CAMK2B: variants seen among roughly 807,000 people sequenced by gnomAD.
The protein encoded by CAMK2B is calcium/calmodulin-dependent protein kinase type II subunit beta.
Under a neutral mutation model 93.7 loss-of-function variants are expected in CAMK2B, and 27 were observed. The observed-to-expected ratio is 0.29, with a 90% confidence interval of 0.21 to 0.40. CAMK2B has a LOEUF of 0.40. CAMK2B is among the 10% of genes least tolerant of loss of function. The pLI is 1.00. For synonymous variants in CAMK2B, 374 were observed against 358.8 expected, an observed-to-expected ratio of 1.04 and a Z score of -0.48; for missense variants, 568 against 895.8, an observed-to-expected ratio of 0.63 and a Z score of 4.67.
At chr7:44,304,494 G>T (rs1405909780) in intron 1 of CAMK2B, among the ~76,000 whole-genome samples, 4 of 152,162 alleles carry the variant, frequency 2.6e-5, no homozygotes, top group African/African-American at 9.7e-5. Flanking sequence ...CTGAATAAAA[G>T]AAGCCAGTCT....
At chr7:44,234,581 G>C (rs1284440164) in intron 14 of CAMK2B, 58 bp downstream of exon 14, 1 of 1,604,700 alleles carries the variant, frequency 6.2e-7, no homozygotes, top group African/African-American at 1.3e-5. Context: ...CCAGGGCGTG[G>C]GGGTGAAGCT....
chr7:44,221,048 GC>G (rs546844805), intron 20 of CAMK2B, 147 bp from the exon 21 acceptor site: 101 of 622,510 alleles, frequency 1.6e-4, no homozygotes, highest in South Asian at 1.0e-3. Flanking sequence ...CCTCTCCGCC[GC>G]CCCCCCTGCA....
intron 2 of CAMK2B, among the ~76,000 whole-genome samples, chr7:44,280,722 A>G (rs1375607070): frequency 6.6e-6 from 1 of 152,208 alleles, no homozygotes; most frequent in East Asian, 1.9e-4. Context: ...CCAGAAAAGT[A>G]GCAGCCTTCG....
chr7:44,320,630 A>T (rs2116562518), intron 1 of CAMK2B, among the ~76,000 whole-genome samples: 1 of 152,382 alleles, frequency 6.6e-6, no homozygotes, highest in Non-Finnish European at 1.5e-5. Context: ...AGCTCTCAGC[A>T]AAGTAGGTTA....
Position 44,226,528 on chromosome 7 carries a change from G to T in CAMK2B, c.1585C>A (p.Leu529Met). Residue 529 changes from leucine (L) to methionine (M), a missense_variant, in exon 20 of 24, where the codon CTG becomes ATG. Physicochemically the swap from Leu to Met is conservative, Grantham distance 15 (BLOSUM62 2). Around this residue, in one of 4 missense-constraint regions of CAMK2B, gnomAD observed 308 missense variants for 292.1 expected, o/e 1.05. Transcript: ENST00000395749. ...AGGTGCTACTTACATGGGGTGGGCA[G>T]GGGGCCAGGGATAGTCGGAGATGGG... Reference protein sequence around the residue: ...PCPSPTIPGPLPTPSRKQEII... With the variant: ...PCPSPTIPGPMPTPSRKQEII... 1 of 1,450,942 alleles carries T rather than the reference G, an allele frequency of 6.9e-7. No homozygotes were observed. The highest frequency in any genetic ancestry group is 9.1e-7 in the Non-Finnish European group (1 of 1,103,006). 89.9% of individuals were successfully genotyped at this position (1,450,942 alleles called of 1,614,324 possible). A position where few individuals can be genotyped will look rare whatever the true frequency, so the allele number is the denominator to read the frequency against.
At chr7:44,230,922 G>T in intron 17 of CAMK2B, 84 bp downstream of exon 17, 1 of 1,202,504 alleles carries the variant, frequency 8.3e-7, no homozygotes, top group Non-Finnish European at 1.2e-6. Flanking sequence ...CAGGAGAGTT[G>T]ACCCTGCCCA....
At chr7:44,240,578 T>C in intron 12 of CAMK2B, 129 bp downstream of exon 12, 3 of 1,050,136 alleles carry the variant, frequency 2.9e-6, no homozygotes, top group Non-Finnish European at 4.3e-6. Flanking sequence ...GTCTCAGAGC[T>C]GAGGGCAGAC....
rs1183581092 is a variant in CAMK2B, at chr7:44,311,938, G to A, written c.65+13419C>T. ...CTCCTGCCCAGGGTCATACAACGGG[G>A]CCCAAATGAGGCACAGGCCCATCCT... On this transcript the variant is annotated intron_variant, in intron 1 of 23. Transcript: ENST00000395749. The surrounding 1 kb of genome is among the most constrained non-coding windows in gnomAD (Gnocchi z 4.2). Among the ~76,000 whole-genome samples, 5 of 152,220 alleles carry A rather than the reference G, an allele frequency of 3.3e-5. No homozygotes were observed. The highest frequency in any genetic ancestry group is 9.7e-5 in the African/African-American group (4 of 41,450).
At chr7:44,258,992 T>A in intron 3 of CAMK2B, 66 bp from the exon 4 acceptor site, 5 of 1,400,866 alleles carry the variant, frequency 3.6e-6, no homozygotes, top group Non-Finnish European at 5.0e-6. Flanking sequence ...CCTGCCTCCG[T>A]ACCTGTCCAG....
chr7:44,221,938 A>T (rs1410108523), intron 20 of CAMK2B, among the ~76,000 whole-genome samples: 1 of 152,240 alleles, frequency 6.6e-6, no homozygotes, highest in East Asian at 1.9e-4. Context: ...TAAAGAAATA[A>T]AGCACCGCAC....
intron 6 of CAMK2B, among the ~76,000 whole-genome samples, chr7:44,245,244 C>T (rs574038769): frequency 1.3e-5 from 2 of 152,234 alleles, no homozygotes; most frequent in East Asian, 3.9e-4. Context: ...CCCAGTGATG[C>T]CCCCACCCTG....
chr7:44,265,873 C>T (rs1318799905), intron 2 of CAMK2B, among the ~76,000 whole-genome samples: 4 of 151,952 alleles, frequency 2.6e-5, no homozygotes, highest in Admixed American at 6.6e-5. Context: ...CTCAGAGAGC[C>T]GCTTGGAAAC....
chr7:44,241,319 T>C (rs2096676115), intron 11 of CAMK2B, among the ~76,000 whole-genome samples: 1 of 152,168 alleles, frequency 6.6e-6, no homozygotes, highest in South Asian at 2.1e-4. Context: ...TGTGTGTGGC[T>C]CTGCTCTCCT....
chr7:44,269,446 T>A (rs1005762574), intron 2 of CAMK2B, among the ~76,000 whole-genome samples: 1 of 151,980 alleles, frequency 6.6e-6, no homozygotes, highest in Non-Finnish European at 1.5e-5. Flanking sequence ...CAAGAAGGGG[T>A]CCGGGATGGA....
At chr7:44,307,304 G>T (rs1792131927) in intron 1 of CAMK2B, among the ~76,000 whole-genome samples, 1 of 137,164 alleles carries the variant, frequency 7.3e-6, no homozygotes, top group Non-Finnish European at 1.6e-5. Flanking sequence ...GAGGGTGTGA[G>T]CAGGCGGAGG....
rs1017483376 is a variant in CAMK2B at position 44,248,202 on chromosome 7, A to T, written c.342-1010T>A. Among the ~76,000 whole-genome samples the T allele has an allele frequency of 1.4e-4, 22 of 151,956 alleles. No individual in the cohort carries two copies. The highest frequency in any genetic ancestry group is 5.3e-4 in the African/African-American group (22 of 41,360). On this transcript the variant is annotated intron_variant, in intron 5 of 23. Transcript: ENST00000395749. The surrounding 1 kb of genome is among the most constrained non-coding windows in gnomAD (Gnocchi z 4.1). Reference sequence around the variant, plus strand: ...CTGAGCACACGGAGCTTCCCCTTCAACCCTTCCTCTCATAGTCAGGGAGGG... The same window carrying T: ...CTGAGCACACGGAGCTTCCCCTTCATCCCTTCCTCTCATAGTCAGGGAGGG...
chr7:44,221,263 C>T (rs1162111148), intron 20 of CAMK2B, among the ~76,000 whole-genome samples: 1 of 152,248 alleles, frequency 6.6e-6, no homozygotes, highest in Non-Finnish European at 1.5e-5. Flanking sequence ...CTCCTGCCCT[C>T]CCGTGAGCCA....
intron 4 of CAMK2B, among the ~76,000 whole-genome samples, chr7:44,258,101 A>G (rs540174472): frequency 4.0e-4 from 61 of 152,398 alleles, no homozygotes; most frequent in Non-Finnish European, 6.8e-4. Flanking sequence ...GGAACTGTCA[A>G]AAGTGAGGGA....
intron 1 of CAMK2B, among the ~76,000 whole-genome samples, chr7:44,306,772 C>A (rs73317776): frequency 1.2e-4 from 7 of 56,078 alleles, no homozygotes; most frequent in East Asian, 5.0e-4. Flanking sequence ...GAGGAGGATG[C>A]GAGCAGGGGA....
Sources: allele counts gnomAD v4.1 joint callset (sites outside exome capture counted in the v4.1 genomes callset), GRCh38; gene constraint gnomAD v4.1.1; regional missense constraint gnomAD v4.1.1; non-coding constraint Gnocchi (gnomAD v3.1); transcripts MANE v1.5; gene names NCBI Gene and HGNC (gene_info 2026-07-23, HGNC 2026-07-21).